The following PCDHA1 variants were observed in gnomAD, a reference collection of about 807,000 sequenced individuals.
PCDHA1 encodes protocadherin alpha 1.
Under a neutral mutation model 61.3 loss-of-function variants are expected in PCDHA1, and 42 were observed. The ratio of observed to expected loss-of-function variants is 0.69; its 90% CI spans 0.54 to 0.89. PCDHA1 has a LOEUF of 0.89. Ranked by LOEUF, PCDHA1 falls within the 40% of genes least tolerant of loss-of-function variation. The pLI, the probability that PCDHA1 is intolerant of heterozygous loss-of-function variation, is 0.00. For synonymous variants in PCDHA1, 610 were observed against 553.8 expected (o/e 1.10, Z -1.43); for missense variants, 1,256 against 1,235.3 (o/e 1.02, Z -0.25).
At chr5:140,929,545 A>T in intron 1 of PCDHA1, 1 of 514,856 alleles carries the variant, frequency 1.9e-6, no homozygotes, top group Non-Finnish European at 3.2e-6. Context: ...ACAAGGGCAA[A>T]AATTAAAACC....
chr5:140,852,333 A>G, intron 1 of PCDHA1: 1 of 262,614 alleles, frequency 3.8e-6, no homozygotes, highest in Non-Finnish European at 6.4e-6. Context: ...GCTGGAGTAC[A>G]GTGGCATGAT....
chr5:140,950,646 G>T (rs1221939583), intron 1 of PCDHA1, among the ~76,000 whole-genome samples: 2 of 151,884 alleles, frequency 1.3e-5, no homozygotes, highest in African/African-American at 4.8e-5. Context: ...TCCTGTTTAT[G>T]GTTGGCTGAG....
intron 1 of PCDHA1, chr5:140,875,596 G>C (rs1554167787): frequency 1.9e-6 from 3 of 1,613,938 alleles, no homozygotes; most frequent in African/African-American, 2.7e-5. Flanking sequence ...GGCCAAACAC[G>C]GCACCTTCGT....
intron 3 of PCDHA1, among the ~76,000 whole-genome samples, chr5:141,003,794 G>A (rs1158199764): frequency 6.6e-6 from 1 of 152,102 alleles, no homozygotes; most frequent in Non-Finnish European, 1.5e-5. Context: ...AAATCCTATT[G>A]GGTTGTAATC....
intron 1 of PCDHA1, among the ~76,000 whole-genome samples, chr5:140,789,630 G>A (rs1398005149): frequency 6.6e-6 from 1 of 152,174 alleles, no homozygotes; most frequent in Admixed American, 6.5e-5. Context: ...AGCATTGCAT[G>A]TATTTGCTAT....
chr5:140,835,890 G>A (rs147416989), intron 1 of PCDHA1: 18 of 1,611,850 alleles, frequency 1.1e-5, no homozygotes, highest in Non-Finnish European at 1.4e-5. Context: ...GGGCGAGCGC[G>A]CGCTGTCGAG....
intron 3 of PCDHA1, among the ~76,000 whole-genome samples, chr5:140,992,543 T>G (rs1226407687): frequency 6.6e-6 from 1 of 152,186 alleles, no homozygotes; most frequent in African/African-American, 2.4e-5. Flanking sequence ...CTGTCACAAG[T>G]GATGCCAGGA....
At chr5:140,898,748 G>C (rs1397892217) in intron 1 of PCDHA1, among the ~76,000 whole-genome samples, 44 of 152,222 alleles carry the variant, frequency 2.9e-4, no homozygotes, top group Non-Finnish European at 5.0e-4. Context: ...TAGCTTGATG[G>C]GGATGGCATT....
chr5:140,997,221 T>C (rs2097763900), intron 3 of PCDHA1, among the ~76,000 whole-genome samples: 1 of 152,152 alleles, frequency 6.6e-6, no homozygotes, highest in Admixed American at 6.5e-5. Context: ...GAAACTATCA[T>C]TACCACCCAA....
At chr5:140,882,551 C>A in intron 1 of PCDHA1, 1 of 1,614,216 alleles carries the variant, frequency 6.2e-7, no homozygotes, top group Non-Finnish European at 8.5e-7. Flanking sequence ...CCGCGAGGAG[C>A]TGTGTGGGCG....
intron 1 of PCDHA1, chr5:140,812,382 C>T (rs1027211220): frequency 6.6e-6 from 1 of 151,602 alleles, no homozygotes; most frequent in Non-Finnish European, 1.5e-5. Context: ...TTGTTTTTTT[C>T]TTAGTCTAGC....
At position 141,010,124 on chromosome 5, in the gene PCDHA1, G is replaced by C. The variant is rs1161168842; in HGVS notation, c.*187G>C. 1.2e-6 allele frequency: 2 copies of C among 1,605,172 alleles called. No homozygotes were observed. The highest frequency in any genetic ancestry group is 1.1e-5 in the South Asian group (1 of 90,170). On this transcript the variant is annotated 3_prime_UTR_variant, in exon 4 of 4. Coordinates refer to ENST00000504120, the MANE Select transcript of PCDHA1 (RefSeq NM_018900.4). ...GGTTTTGTCGTAAAAGCTTTACTAA[G>C]TCTGGTGTTAACTCTTTCTCTCCAC...
chr5:140,943,346 G>C (rs2153662502), intron 1 of PCDHA1, among the ~76,000 whole-genome samples: 1 of 151,738 alleles, frequency 6.6e-6, no homozygotes, highest in East Asian at 1.9e-4. Context: ...GACAGGATGA[G>C]AGTAGAGGAA....
intron 1 of PCDHA1, among the ~76,000 whole-genome samples, chr5:140,893,868 AGATC>A (rs1369386852): frequency 1.3e-5 from 2 of 152,168 alleles, no homozygotes; most frequent in Non-Finnish European, 2.9e-5. Context: ...GAAACAACCC[AGATC>A]CAAAGTGGCC....
In PCDHA1 at chr5:140,844,228, G is replaced by A. The variant is rs1179181710; in HGVS notation, c.2394+55544G>A. The stretch of plus-strand genomic sequence containing the variant: ...TCTGGTAGTCACAAATATCTTTGGT[G>A]TTTCACTATTGCCGTTTTAAGCAGT... On this transcript the variant is annotated intron_variant, in intron 1 of 3. Transcript: ENST00000504120. Among the ~76,000 whole-genome samples the A allele has an allele frequency of 2.0e-5, 3 of 149,332 alleles. 1 individual carries two copies. Among genetic ancestry groups the A allele is most frequent in the Non-Finnish European group, 3.0e-5 (2 of 66,778 alleles).
At chr5:140,814,311 A>G (rs1404172900) in intron 1 of PCDHA1, 28 of 152,108 alleles carry the variant, frequency 1.8e-4, no homozygotes, top group African/African-American at 6.8e-4. Flanking sequence ...ATTGTCTTCC[A>G]CCTCCATATC....
chr5:140,828,269 G>T (rs2150153338), intron 1 of PCDHA1: 1 of 1,614,058 alleles, frequency 6.2e-7, no homozygotes, highest in Admixed American at 1.7e-5. Context: ...GGCGGAGCTG[G>T]TGCCGCGCCT....
chr5:140,982,288 T>G, intron 2 of PCDHA1, 187 bp from the exon 3 acceptor site: 1 of 1,088,080 alleles, frequency 9.2e-7, no homozygotes, highest in Admixed American at 2.9e-5. Context: ...AGGCAATAAG[T>G]AAGTCAGCAA....
At chr5:140,829,288 C>T (rs1263558047) in intron 1 of PCDHA1, 3 of 1,614,248 alleles carry the variant, frequency 1.9e-6, no homozygotes, top group Non-Finnish European at 1.7e-6. Context: ...AGCTGGTGTC[C>T]ACCTTCAAGA....
Sources: allele counts gnomAD v4.1 joint callset (sites outside exome capture counted in the v4.1 genomes callset), GRCh38; gene constraint gnomAD v4.1.1; transcripts MANE v1.5; gene names NCBI Gene and HGNC (gene_info 2026-07-23, HGNC 2026-07-21).